CCNL2: variants seen among roughly 807,000 people sequenced by gnomAD.
The protein encoded by CCNL2 is cyclin-L2.
In CCNL2, 28 loss-of-function variants were observed where a neutral mutation model predicts 59.1. That is an observed-to-expected ratio of 0.47 (90% CI 0.35 to 0.65). The LOEUF (loss-of-function observed/expected upper bound fraction) is 0.65, where lower values mean the gene tolerates loss of function less well. Ranked by LOEUF, CCNL2 falls within the 30% of genes least tolerant of loss-of-function variation. CCNL2 has a pLI of 0.00. For missense variants in CCNL2, 714 were observed against 717.4 expected, an observed-to-expected ratio of 1.00 and a Z score of 0.05; for synonymous variants, 342 against 288.6, an observed-to-expected ratio of 1.19 and a Z score of -1.88.
chr1:1,388,281 GGGAGGCCGA>G (rs1187886033), intron 8 of CCNL2: 8 of 555,752 alleles, frequency 1.4e-5, no homozygotes, highest in Non-Finnish European at 2.6e-5. Flanking sequence ...CCAGCACTTC[GGGAGGCCGA>G]GGAGGGCGGA....
At position 1,390,842 on chromosome 1, in the gene CCNL2, C is replaced by T. The variant is rs373618713; in HGVS notation, c.683G>A (p.Arg228His). Residue 228 changes from arginine (R) to histidine (H), a missense_variant, in exon 6 of 11, where the codon CGC becomes CAC. Arg to His is a conservative substitution (Grantham distance 29, BLOSUM62 0). Around this residue, in one of 5 missense-constraint regions of CCNL2, gnomAD observed 19 missense variants for 40.8 expected, o/e 0.47. Coordinates refer to ENST00000400809, the MANE Select transcript of CCNL2 (RefSeq NM_030937.6). ...CTGGAACCGCACGAAGACGTCGGTG[C>T]GAAGGCTGTCGTTCATGTAATTCCT... ...TSWNYMNDSLRTDVFVRFQPE... is the reference protein window; with the variant it reads ...TSWNYMNDSLHTDVFVRFQPE... 55 of 1,613,954 alleles carry T rather than the reference C, an allele frequency of 3.4e-5. No individual in the cohort carries two copies. The highest frequency in any genetic ancestry group is 9.3e-5 in the African/African-American group (7 of 74,914).
rs539392478 is a variant in CCNL2 at position 1,391,535 on chromosome 1, T to C, written c.660-670A>G. On this transcript the variant is annotated intron_variant, in intron 5 of 10. Coordinates refer to ENST00000400809, the MANE Select transcript of CCNL2 (RefSeq NM_030937.6). ...CCCAAGGGCAGGCCTCTTCTCGGGCTCATCAGAGCCGCTGCCAACTGTCCC... is the reference window on the plus strand; with the variant it reads ...CCCAAGGGCAGGCCTCTTCTCGGGCCCATCAGAGCCGCTGCCAACTGTCCC... 3.8e-6 allele frequency: 5 copies of C among 1,304,866 alleles called. No individual in the cohort carries two copies. The East Asian group carries it at 2.8e-4, about 72-fold the overall frequency. 80.8% of individuals were successfully genotyped at this position (1,304,866 alleles called of 1,614,324 possible).
Position 1,399,114 on chromosome 1 carries a change from T to G in CCNL2, c.193A>C (p.Met65Leu). The change falls in exon 1 of 11, where the codon ATG becomes CTG. Residue 65 changes from methionine to leucine, a missense_variant. Around this residue, in one of 5 missense-constraint regions of CCNL2, gnomAD observed 270 missense variants for 254.9 expected, o/e 1.06. Coordinates refer to ENST00000400809, the MANE Select transcript of CCNL2 (RefSeq NM_030937.6). ...PDDKLRFTPSMSSGLDTDTET... is the reference protein window; with the variant it reads ...PDDKLRFTPSLSSGLDTDTET... ...GTGTCGGTGTCGAGGCCGCTCGACA[T>G]GGACGGCGTGAAACGGAGCTTGTCG... The G allele has an allele frequency of 6.2e-7, 1 of 1,611,936 alleles. No individual in the cohort carries two copies. Among genetic ancestry groups the G allele is most frequent in the Non-Finnish European group, 8.5e-7 (1 of 1,179,456 alleles).
chr1:1,387,882 C>A lies in CCNL2; in HGVS notation c.1119-13G>T, dbSNP rs762581855. The A allele has an allele frequency of 1.3e-4, 216 of 1,613,746 alleles. No individual in the cohort carries two copies. The highest frequency in any genetic ancestry group is 1.7e-4 in the Non-Finnish European group (203 of 1,180,004). On this transcript the variant is annotated splice_polypyrimidine_tract_variant and intron_variant, in intron 9 of 10. Transcript: ENST00000400809. ...CCCCTTTGGCAAGCTGTGAACAGGA[C>A]AGGAGCCAGTTACAAAGCAGAAGTC...
chr1:1,395,190 A>G (rs1050483906), intron 4 of CCNL2: 2 of 501,754 alleles, frequency 4.0e-6, no homozygotes, highest in Non-Finnish European at 6.9e-6. Context: ...AAAACACTTA[A>G]AAATGTGTTA....
intron 8 of CCNL2, chr1:1,388,527 A>C (rs1474065178): frequency 2.2e-6 from 1 of 453,120 alleles, no homozygotes; most frequent in Non-Finnish European, 4.4e-6. Context: ...CAAGAAAAAC[A>C]AAACAAAACA....
In CCNL2 at chr1:1,398,089, G is replaced by A. The variant is rs1354760374; in HGVS notation, c.473+144C>T. Reference sequence around the variant, plus strand: ...CTGATGCCTCTGAGCAGGCTCTGTTGGTGGAGCTTGAGACTGCGCTCATGA... The same window carrying A: ...CTGATGCCTCTGAGCAGGCTCTGTTAGTGGAGCTTGAGACTGCGCTCATGA... On this transcript the variant is annotated intron_variant, in intron 3 of 10. Coordinates refer to ENST00000400809, the MANE Select transcript of CCNL2 (RefSeq NM_030937.6). The A allele has an allele frequency of 6.8e-6, 5 of 730,184 alleles. No individual in the cohort carries two copies. In the East Asian group the frequency reaches 8.1e-5, roughly 12 times the overall value. 45.2% of individuals were successfully genotyped at this position (730,184 alleles called of 1,614,324 possible). A position where few individuals can be genotyped will look rare whatever the true frequency, so the allele number is the denominator to read the frequency against.
At chr1:1,392,716 C>G in intron 5 of CCNL2, 1 of 1,591,950 alleles carries the variant, frequency 6.3e-7, no homozygotes, top group Non-Finnish European at 8.6e-7. Context: ...AGAGCCTGCA[C>G]TGGATTGGCT....
At position 1,386,607 on chromosome 1, in the gene CCNL2, TTC is replaced by T. The variant is rs1334822356; in HGVS notation, c.*622_*623del. The T allele has an allele frequency of 6.6e-6, 1 of 152,632 alleles. No homozygotes were observed. Among genetic ancestry groups the T allele is most frequent in the African/African-American group, 2.4e-5 (1 of 41,442 alleles). 9.5% of individuals were successfully genotyped at this position (152,632 alleles called of 1,614,324 possible). On this transcript the variant is annotated 3_prime_UTR_variant, in exon 11 of 11. Transcript: ENST00000400809. The stretch of plus-strand genomic sequence containing the variant: ...ACCGCACAGATAAAAATATACGACT[TTC>T]AACACAGATCCAAATACCCTCACAT...
intron 3 of CCNL2, among the ~76,000 whole-genome samples, chr1:1,396,627 C>T (rs1226175187): frequency 1.5e-5 from 2 of 131,330 alleles, no homozygotes; most frequent in Admixed American, 1.7e-4. Flanking sequence ...GTTGCCCAGG[C>T]TGGAGTGCAA....
At position 1,386,861 on chromosome 1, in the gene CCNL2, TTGAG is replaced by T. The variant is rs3835458; in HGVS notation, c.*366_*369del. 0.057 allele frequency: 12,876 copies of T among 224,094 alleles called. 461 individuals are homozygous for T. The highest frequency in any genetic ancestry group is 0.1 in the East Asian group (1,120 of 10,960). 13.9% of individuals were successfully genotyped at this position (224,094 alleles called of 1,614,324 possible). A position where few individuals can be genotyped will look rare whatever the true frequency, so the allele number is the denominator to read the frequency against. On this transcript the variant is annotated 3_prime_UTR_variant, in exon 11 of 11. Coordinates refer to ENST00000400809, the MANE Select transcript of CCNL2 (RefSeq NM_030937.6). ...AATCATCTTTCTTGGCTTCACGTAA[TTGAG>T]TATCAGTCGGGGAGTGGAGAGCGGC...
intron 3 of CCNL2, among the ~76,000 whole-genome samples, chr1:1,396,514 C>T (rs1645030176): frequency 6.6e-6 from 1 of 151,198 alleles, no homozygotes; most frequent in Non-Finnish European, 1.5e-5. Flanking sequence ...GATCCACCCG[C>T]CTTGGCCTCC....
intron 3 of CCNL2, among the ~76,000 whole-genome samples, chr1:1,396,571 G>GTTTTTTTTT (rs1175846044): frequency 1.0e-4 from 7 of 69,656 alleles, no homozygotes; most frequent in Non-Finnish European, 2.4e-5. Context: ...CGGCAAGGCT[G>GTTTTTTTTT]TTTTTTTTTT....
intron 5 of CCNL2, chr1:1,393,096 C>G: frequency 1.7e-6 from 1 of 585,846 alleles, no homozygotes; most frequent in East Asian, 2.8e-5. Context: ...CCACCCTCCC[C>G]AGGAAAAGGT....
In CCNL2 at chr1:1,386,894, C is replaced by A. The variant is rs937414433; in HGVS notation, c.*337G>T. On this transcript the variant is annotated 3_prime_UTR_variant, in exon 11 of 11. Transcript: ENST00000400809. ...CAGTCGGGGAGTGGAGAGCGGCTGCCGATAGCACCAGGCCATGCCAGGCCA... is the reference window on the plus strand; with the variant it reads ...CAGTCGGGGAGTGGAGAGCGGCTGCAGATAGCACCAGGCCATGCCAGGCCA... The A allele has an allele frequency of 7.2e-6, 2 of 276,150 alleles. No homozygotes were observed. Among genetic ancestry groups the A allele is most frequent in the Non-Finnish European group, 1.4e-5 (2 of 147,204 alleles). The allele number at this position is 276,150 out of a possible 1,614,324, so 17.1% of individuals were successfully genotyped here.
chr1:1,388,085 T>A lies in CCNL2; in HGVS notation c.1007-20A>T. The A allele has an allele frequency of 6.3e-7, 1 of 1,592,262 alleles. No homozygotes were observed. Among genetic ancestry groups the A allele is most frequent in the Non-Finnish European group, 8.6e-7 (1 of 1,160,824 alleles). On this transcript the variant is annotated intron_variant, in intron 8 of 10. Coordinates refer to ENST00000400809, the MANE Select transcript of CCNL2 (RefSeq NM_030937.6). ...ATTCCACTAGAATCAGAACAAGAGG[T>A]TAAAAGCCAACCACAAAACACTCTC...
At chr1:1,389,933 T>G (rs962996005) in intron 8 of CCNL2, among the ~76,000 whole-genome samples, 9 of 152,072 alleles carry the variant, frequency 5.9e-5, no homozygotes. Flanking sequence ...CACTCCAGCC[T>G]GGGCTGGAGC....
intron 8 of CCNL2, chr1:1,388,674 G>C (rs1249021573): frequency 4.6e-6 from 2 of 430,352 alleles, no homozygotes; most frequent in Admixed American, 2.7e-5. Flanking sequence ...GGGAGGCTGA[G>C]GCACAAGAAT....
chr1:1,393,490 C>T (rs375308345), intron 4 of CCNL2, 30 bp from the exon 5 acceptor site: 67 of 1,599,356 alleles, frequency 4.2e-5, no homozygotes, highest in Non-Finnish European at 5.2e-5. Context: ...CAGTTATTAC[C>T]AAGAACCTTA....
Sources: allele counts gnomAD v4.1 joint callset (sites outside exome capture counted in the v4.1 genomes callset), GRCh38; gene constraint gnomAD v4.1.1; regional missense constraint gnomAD v4.1.1; transcripts MANE v1.5; gene names NCBI Gene and HGNC (gene_info 2026-07-23, HGNC 2026-07-21).